Variants in DOCK3 observed in about 807,000 individuals in gnomAD.
The protein encoded by DOCK3 is dedicator of cytokinesis protein 3.
A neutral mutation model predicts 265.6 loss-of-function variants in DOCK3; 60 were observed. The ratio of observed to expected loss-of-function variants is 0.23; its 90% CI spans 0.18 to 0.28. The LOEUF is 0.28. DOCK3 is among the 10% of genes least tolerant of loss of function. The probability of loss-of-function intolerance (pLI) is 1.00; values close to 1 mark genes in which losing one functional copy is unlikely to be tolerated. For synonymous variants in DOCK3, 881 were observed against 938.0 expected (o/e 0.94, Z 1.11); for missense variants, 1,981 against 2,594.3 (o/e 0.76, Z 5.14).
chr3:50,946,327 C>T (rs891315754), intron 5 of DOCK3, among the ~76,000 whole-genome samples: 1 of 151,996 alleles, frequency 6.6e-6, no homozygotes, highest in Non-Finnish European at 1.5e-5. Context: ...GAAGATAATG[C>T]CCGTTTTTTG....
chr3:50,961,057 A>G (rs1381376833), intron 5 of DOCK3, among the ~76,000 whole-genome samples: 1 of 152,184 alleles, frequency 6.6e-6, no homozygotes, highest in Non-Finnish European at 1.5e-5. Flanking sequence ...TTATACAAAT[A>G]CCACATTTTC....
chr3:50,722,237 A>G (rs901259362), intron 1 of DOCK3, among the ~76,000 whole-genome samples: 4 of 152,202 alleles, frequency 2.6e-5, no homozygotes, highest in African/African-American at 9.6e-5. Context: ...TGAAGTACAG[A>G]AAGCCTGGGG....
At chr3:51,191,191 C>G (rs2087924253) in intron 12 of DOCK3, among the ~76,000 whole-genome samples, 1 of 152,100 alleles carries the variant, frequency 6.6e-6, no homozygotes, top group East Asian at 1.9e-4. Flanking sequence ...CAGTCCACTC[C>G]CACAAAGCTG....
At chr3:50,887,319 G>T (rs938227507) in intron 3 of DOCK3, among the ~76,000 whole-genome samples, 4 of 149,188 alleles carry the variant, frequency 2.7e-5, no homozygotes, top group East Asian at 2.0e-4. Context: ...CCAGGAAGAA[G>T]TCGAATCCCT....
At chr3:50,902,009 TC>T (rs1187606873) in intron 4 of DOCK3, among the ~76,000 whole-genome samples, 1 of 152,172 alleles carries the variant, frequency 6.6e-6, no homozygotes, top group Non-Finnish European at 1.5e-5. Flanking sequence ...TGTTGTTGGC[TC>T]CTTGAATGTC....
chr3:50,931,928 A>C (rs9843246), intron 4 of DOCK3, among the ~76,000 whole-genome samples: 1 of 152,234 alleles, frequency 6.6e-6, no homozygotes, highest in African/African-American at 2.4e-5. Flanking sequence ...CACTGCATCT[A>C]TTCTGGATTT....
chr3:50,804,122 T>G (rs1403222286), intron 2 of DOCK3, among the ~76,000 whole-genome samples: 3 of 143,902 alleles, frequency 2.1e-5, no homozygotes, highest in Non-Finnish European at 3.0e-5. Context: ...GCAGAGGCGC[T>G]CCCCACATCT....
chr3:51,043,586 G>C (rs2080631814), intron 5 of DOCK3, among the ~76,000 whole-genome samples: 1 of 151,988 alleles, frequency 6.6e-6, no homozygotes, highest in South Asian at 2.1e-4. Flanking sequence ...ATTGACAAAT[G>C]GGATCTAATT....
chr3:51,350,156 G>T, intron 39 of DOCK3, 132 bp from the exon 40 acceptor site: 1 of 732,618 alleles, frequency 1.4e-6, no homozygotes. Context: ...ATGTCTAGAG[G>T]CTCACTTACT....
intron 5 of DOCK3, among the ~76,000 whole-genome samples, chr3:50,945,373 A>G (rs1351610475): frequency 1.3e-5 from 2 of 152,182 alleles, no homozygotes. Context: ...AGTATTTAGT[A>G]TAATACTTTA....
intron 14 of DOCK3, among the ~76,000 whole-genome samples, chr3:51,224,991 G>A (rs2090263947): frequency 6.6e-6 from 1 of 151,872 alleles, no homozygotes; most frequent in South Asian, 2.1e-4. Context: ...AAGCAAAAAA[G>A]CACAACAGGT....
intron 35 of DOCK3, among the ~76,000 whole-genome samples, chr3:51,334,213 A>G (rs2084715663): frequency 6.6e-6 from 1 of 152,160 alleles, no homozygotes; most frequent in African/African-American, 2.4e-5. Context: ...TAGTCCAAAC[A>G]TGACAATGAA....
intron 1 of DOCK3, among the ~76,000 whole-genome samples, chr3:50,728,435 T>C (rs1009789370): frequency 1.3e-5 from 2 of 151,906 alleles, no homozygotes; most frequent in African/African-American, 4.8e-5. Context: ...CAAATAATGT[T>C]AGAAGGAAAG....
chr3:50,877,141 A>G (rs573807850), intron 3 of DOCK3: 2 of 282,466 alleles, frequency 7.1e-6, no homozygotes, highest in Non-Finnish European at 1.4e-5. Flanking sequence ...ATTACCAGGC[A>G]TTCCCCCTGG....
At chr3:50,833,546 G>A (rs1021685645) in intron 2 of DOCK3, among the ~76,000 whole-genome samples, 1 of 152,110 alleles carries the variant, frequency 6.6e-6, no homozygotes, top group African/African-American at 2.4e-5. Context: ...AAATACCTAT[G>A]AATTGGGTAA....
intron 5 of DOCK3, among the ~76,000 whole-genome samples, chr3:51,045,931 C>T (rs890382537): frequency 6.6e-6 from 1 of 152,058 alleles, no homozygotes; most frequent in African/African-American, 2.4e-5. Context: ...AGAAGCAGTA[C>T]AGATGGGTAG....
chr3:50,957,370 G>A (rs1002257056), intron 5 of DOCK3, among the ~76,000 whole-genome samples: 1 of 152,150 alleles, frequency 6.6e-6, no homozygotes, highest in Non-Finnish European at 1.5e-5. Context: ...GAAATTTAAT[G>A]AGCATTAGAT....
chr3:51,345,920 A>G (rs1240366894), intron 38 of DOCK3, among the ~76,000 whole-genome samples: 2 of 152,190 alleles, frequency 1.3e-5, no homozygotes, highest in African/African-American at 4.8e-5. Context: ...TTCAAATACT[A>G]TGGGGAGGAA....
chr3:51,026,202 T>C (rs925172561), intron 5 of DOCK3, among the ~76,000 whole-genome samples: 1 of 152,218 alleles, frequency 6.6e-6, no homozygotes, highest in Non-Finnish European at 1.5e-5. Flanking sequence ...TTGGATTTTA[T>C]TGAATGGTTT....
Sources: gnomAD v4.1 joint callset for allele counts (sites outside exome capture counted in the v4.1 genomes callset) on GRCh38, gnomAD v4.1.1 for gene constraint, MANE v1.5 for transcripts, NCBI Gene and HGNC (gene_info 2026-07-23, HGNC 2026-07-21) for gene names.